The following GLIS1 variants were observed in gnomAD, a reference collection of about 807,000 sequenced individuals.
GLIS1 encodes the protein GLIS family zinc finger 1, also known as zinc finger protein GLIS1.
Under a neutral mutation model 63.8 loss-of-function variants are expected in GLIS1, and 24 were observed. The observed-to-expected ratio is 0.38, with a 90% CI of 0.27 to 0.53. GLIS1 has a LOEUF of 0.53. Ranked by LOEUF, GLIS1 falls within the 20% of genes least tolerant of loss-of-function variation. The pLI, the probability that GLIS1 is intolerant of heterozygous loss-of-function variation, is 0.85. For synonymous variants in GLIS1, 450 were observed against 482.5 expected, an observed-to-expected ratio of 0.93 and a Z score of 0.88; for missense variants, 1,036 against 1,074.1, an observed-to-expected ratio of 0.96 and a Z score of 0.50.
chr1:53,590,019 C>T (rs937132748), intron 4 of GLIS1, among the ~76,000 whole-genome samples: 5 of 152,196 alleles, frequency 3.3e-5, no homozygotes, highest in Admixed American at 3.3e-4. Context: ...CTCTGCCACC[C>T]ATTGACTGGC....
At chr1:53,719,963 G>T (rs1646737298) in intron 2 of GLIS1, among the ~76,000 whole-genome samples, 1 of 152,122 alleles carries the variant, frequency 6.6e-6, no homozygotes, top group African/African-American at 2.4e-5. Flanking sequence ...ATCACCTGAG[G>T]TCAGGAGTTC....
At chr1:53,529,173 G>A (rs548112203) in intron 5 of GLIS1, among the ~76,000 whole-genome samples, 1 of 152,350 alleles carries the variant, frequency 6.6e-6, no homozygotes, top group Admixed American at 6.5e-5. Flanking sequence ...TTGGAATAAA[G>A]CTGCTGTTAC....
At chr1:53,612,708 C>T (rs1362130033) in intron 2 of GLIS1, among the ~76,000 whole-genome samples, 1 of 152,194 alleles carries the variant, frequency 6.6e-6, no homozygotes, top group East Asian at 1.9e-4. Context: ...TACAGATTGG[C>T]TAATGCCTGA....
chr1:53,661,715 C>T (rs1646030673), intron 2 of GLIS1, among the ~76,000 whole-genome samples: 1 of 152,196 alleles, frequency 6.6e-6, no homozygotes, highest in Non-Finnish European at 1.5e-5. Context: ...CCCTGTGGGA[C>T]CTCTATGCTG....
At chr1:53,647,505 A>G (rs533742892) in intron 2 of GLIS1, among the ~76,000 whole-genome samples, 1 of 152,320 alleles carries the variant, frequency 6.6e-6, no homozygotes, top group African/African-American at 2.4e-5. Context: ...ATGTCGGAAA[A>G]AAGAAACTTG....
intron 2 of GLIS1, among the ~76,000 whole-genome samples, chr1:53,661,724 T>A (rs1012930256): frequency 1.3e-5 from 2 of 152,098 alleles, no homozygotes; most frequent in Non-Finnish European, 2.9e-5. Context: ...ACCTCTATGC[T>A]GCCCCTCTCT....
chr1:53,506,630 T>C lies in GLIS1; in HGVS notation c.2377A>G (p.Thr793Ala). 9 of 1,613,416 alleles carry C rather than the reference T, an allele frequency of 5.6e-6. No individual in the cohort carries two copies. Among genetic ancestry groups the C allele is most frequent in the Non-Finnish European group, 7.6e-6 (9 of 1,179,946 alleles). ...HCLGHIPSIYTDT is the reference protein window; with the variant it reads ...HCLGHIPSIYADT ...ATGTGGGGGCTCCTTCAGGTGTCTG[T>C]GTAGATGGAGGGGATGTGGCCCAGG... The change falls in exon 11 of 11, where the codon ACA (threonine) becomes GCA (alanine). Residue 793 changes from threonine (T) to alanine (A), a missense_variant. Around this residue, in one of 3 missense-constraint regions of GLIS1, gnomAD observed 400 missense variants for 400.9 expected, o/e 1.00. Coordinates refer to ENST00000628545, the MANE Select transcript of GLIS1 (RefSeq NM_001367484.1).
chr1:53,721,851 C>G (rs1422932672), intron 2 of GLIS1, among the ~76,000 whole-genome samples: 1 of 152,012 alleles, frequency 6.6e-6, no homozygotes, highest in Admixed American at 6.5e-5. Context: ...TTTTTTATTT[C>G]AAAATCATAA....
intron 2 of GLIS1, among the ~76,000 whole-genome samples, chr1:53,684,315 G>A (rs921424190): frequency 1.3e-5 from 2 of 152,166 alleles, no homozygotes; most frequent in Non-Finnish European, 2.9e-5. Context: ...TGTATTTATG[G>A]AATGTGTGAA....
chr1:53,515,856 C>T (rs939207886), intron 7 of GLIS1, among the ~76,000 whole-genome samples: 1 of 151,466 alleles, frequency 6.6e-6, no homozygotes, highest in Non-Finnish European at 1.5e-5. Context: ...TGCACCTGAC[C>T]CCTGCATTCC....
At chr1:53,665,794 G>A (rs1646084919) in intron 2 of GLIS1, among the ~76,000 whole-genome samples, 1 of 152,170 alleles carries the variant, frequency 6.6e-6, no homozygotes. Context: ...GTATTTTAAG[G>A]AGGGAGTGAG....
At chr1:53,722,901 G>A (rs1418002355) in intron 2 of GLIS1, among the ~76,000 whole-genome samples, 3 of 151,776 alleles carry the variant, frequency 2.0e-5, no homozygotes, top group Non-Finnish European at 4.4e-5. Flanking sequence ...GGGAGGCCGA[G>A]GCGGGTGGAT....
At chr1:53,509,012 C>T in intron 10 of GLIS1, 108 bp downstream of exon 10, 1 of 1,152,264 alleles carries the variant, frequency 8.7e-7, no homozygotes, top group African/African-American at 1.6e-5. Context: ...GGGGATGGCC[C>T]CACCACATAA....
chr1:53,616,246 TG>T (rs1449212424), intron 2 of GLIS1, among the ~76,000 whole-genome samples: 2 of 152,186 alleles, frequency 1.3e-5, no homozygotes, highest in African/African-American at 4.8e-5. Context: ...GCGACAGCGA[TG>T]GTGACCAACA....
chr1:53,527,203 C>T (rs1378275384), intron 5 of GLIS1, among the ~76,000 whole-genome samples: 2 of 152,208 alleles, frequency 1.3e-5, no homozygotes, highest in East Asian at 3.9e-4. Context: ...CTCCTCTGCT[C>T]GGTGGCCTCG....
At chr1:53,609,161 A>G (rs1419584177) in intron 2 of GLIS1, among the ~76,000 whole-genome samples, 1 of 151,044 alleles carries the variant, frequency 6.6e-6, no homozygotes, top group Non-Finnish European at 1.5e-5. Context: ...CTACAAAATA[A>G]TTTTTATCCA....
At chr1:53,522,992 T>TTTTTC (rs1557430263) in intron 6 of GLIS1, among the ~76,000 whole-genome samples, 68 of 5,462 alleles carry the variant, frequency 0.012, 8 homozygotes, top group East Asian at 0.011. Context: ...CTTTCTTTTT[T>TTTTTC]TTTTTTTTTT....
At position 53,734,350 on chromosome 1, in the gene GLIS1, G is replaced by A. The variant is rs972365627; in HGVS notation, c.259+3456C>T. On this transcript the variant is annotated intron_variant, in intron 2 of 10. Transcript: ENST00000628545. The stretch of plus-strand genomic sequence containing the variant: ...TAGATACTAGTTACCAATTCCCAAA[G>A]ATGTGAGACAGTAGAAATACCAAAA... 2.2e-5 allele frequency: 6 copies of A among 275,350 alleles called. No individual in the cohort carries two copies. The Admixed American group carries it at 3.2e-4, about 15-fold the overall frequency. 17.1% of individuals were successfully genotyped at this position (275,350 alleles called of 1,614,324 possible).
At chr1:53,655,674 C>T (rs1332898636) in intron 2 of GLIS1, among the ~76,000 whole-genome samples, 1 of 152,206 alleles carries the variant, frequency 6.6e-6, no homozygotes, top group Non-Finnish European at 1.5e-5. Context: ...CATCGCTGCT[C>T]CACACAGTGA....
Sources: gnomAD v4.1 joint callset for allele counts (sites outside exome capture counted in the v4.1 genomes callset) on GRCh38, gnomAD v4.1.1 for gene constraint, gnomAD v4.1.1 regional missense constraint, MANE v1.5 for transcripts, NCBI Gene and HGNC (gene_info 2026-07-23, HGNC 2026-07-21) for gene names.